LONRF1: variants seen among roughly 807,000 people sequenced by gnomAD.
LONRF1 encodes LON peptidase N-terminal domain and RING finger protein 1.
Under a neutral mutation model 85.8 loss-of-function variants are expected in LONRF1, and 37 were observed. That is an observed-to-expected ratio of 0.43 (90% CI 0.33 to 0.57). LONRF1 has a LOEUF of 0.57. Ranked by LOEUF, LONRF1 falls within the 20% of genes least tolerant of loss-of-function variation. LONRF1 has a pLI of 0.04. For synonymous variants in LONRF1, 517 were observed against 390.1 expected (o/e 1.33, Z -3.83); for missense variants, 1,036 against 978.0 (o/e 1.06, Z -0.79).
At chr8:12,727,119 C>CTT (rs368812604) in intron 10 of LONRF1, 67,746 of 133,572 alleles carry the variant, frequency 0.51, 18,360 homozygotes, top group Admixed American at 0.61. Context: ...CTTGTTAAAT[C>CTT]TTTTTTTTTT....
In LONRF1 at chr8:12,755,380, C is replaced by A; in HGVS notation, c.41G>T (p.Ser14Ile). The change falls in exon 1 of 12, where the codon AGT becomes ATT. Residue 14 changes from serine (S) to isoleucine (I), a missense_variant. Physicochemically the swap from Ser to Ile is moderately radical, Grantham distance 142 (BLOSUM62 -2). This residue lies in a region of LONRF1 where 742 missense variants were observed against 614.4 expected (regional missense o/e 1.21). Coordinates refer to ENST00000398246, the MANE Select transcript of LONRF1 (RefSeq NM_152271.5). ...CTGCGGCGCTGGGGCCATCTCCCGA[C>A]TCCCTCCTGGGGAGGTCCTCGCCAC... Reference protein sequence around the residue: ...PAVARTSPGGSREMAPAPQGR... With the variant: ...PAVARTSPGGIREMAPAPQGR... 3 of 1,200,754 alleles carry A rather than the reference C, an allele frequency of 2.5e-6. No homozygotes were observed. The highest frequency in any genetic ancestry group is 3.1e-6 in the Non-Finnish European group (3 of 966,828). The allele number at this position is 1,200,754 out of a possible 1,614,324, so 74.4% of individuals were successfully genotyped here.
chr8:12,750,218 G>C (rs976229740), intron 1 of LONRF1, among the ~76,000 whole-genome samples: 3 of 152,140 alleles, frequency 2.0e-5, no homozygotes, highest in Non-Finnish European at 4.4e-5. Flanking sequence ...TACGATAATA[G>C]AAATGAAAAT....
chr8:12,731,908 A>T, intron 7 of LONRF1, 51 bp from the exon 8 acceptor site: 1 of 1,554,662 alleles, frequency 6.4e-7, no homozygotes, highest in Non-Finnish European at 8.8e-7. Context: ...CTACAGTATA[A>T]AACAGGCAAC....
rs36196945 is a variant in LONRF1 at position 12,745,321 on chromosome 8, G to GAA, written c.722-2041_722-2040dup. Among the ~76,000 whole-genome samples the GAA allele has an allele frequency of 3.5e-3, 427 of 122,272 alleles. 5 individuals carry two copies. The South Asian group carries it at 0.044, about 13-fold the overall frequency. The allele number at this position is 122,272 out of a possible 152,430, so 80.2% of individuals were successfully genotyped here. A position where few individuals can be genotyped will look rare whatever the true frequency, so the allele number is the denominator to read the frequency against. ...ATTATTTTGAATGATTATTTTTTTG[G>GAA]AAAAAAAAAAAAAAAAAAAAAAAAC... On this transcript the variant is annotated intron_variant, in intron 1 of 11. Coordinates refer to ENST00000398246, the MANE Select transcript of LONRF1 (RefSeq NM_152271.5).
Position 12,754,874 on chromosome 8 carries a change from C to T in LONRF1, c.547G>A (p.Ala183Thr). 2.0e-6 allele frequency: 3 copies of T among 1,493,474 alleles called. No homozygotes were observed. The highest frequency in any genetic ancestry group is 2.9e-5 in the East Asian group (1 of 35,070). The allele number at this position is 1,493,474 out of a possible 1,614,324, so 92.5% of individuals were successfully genotyped here. Residue 183 changes from alanine to threonine, a missense_variant, in exon 1 of 12, where the codon GCC becomes ACC. By Grantham distance (58) the Ala-to-Thr change is moderately conservative. Around this residue, in one of 3 missense-constraint regions of LONRF1, gnomAD observed 742 missense variants for 614.4 expected, o/e 1.21. Coordinates refer to ENST00000398246, the MANE Select transcript of LONRF1 (RefSeq NM_152271.5). ...AAGTCTGAAGCGGCGATGGCGGCGG[C>T]CAGAGGCGGCGGCCGCGGGGCGGTC... ...EGTAPRPPPL[A>T]AAIAASDFRT...
chr8:12,729,595 T>A (rs1050748249), intron 8 of LONRF1, among the ~76,000 whole-genome samples: 1 of 152,190 alleles, frequency 6.6e-6, no homozygotes, highest in Non-Finnish European at 1.5e-5. Context: ...GACACCAGAT[T>A]ATCTTACAGA....
At chr8:12,746,530 C>CCA (rs1799160359) in intron 1 of LONRF1, among the ~76,000 whole-genome samples, 1 of 152,214 alleles carries the variant, frequency 6.6e-6, no homozygotes, top group Admixed American at 6.5e-5. Context: ...TTTATGATAA[C>CCA]CACTAAGAGC....
intron 3 of LONRF1, among the ~76,000 whole-genome samples, chr8:12,740,386 A>G (rs1399259983): frequency 6.6e-6 from 1 of 152,122 alleles, no homozygotes; most frequent in Non-Finnish European, 1.5e-5. Context: ...TCCTTCCCCC[A>G]TCTCCTATCT....
At chr8:12,726,034 A>T (rs574406448) in intron 10 of LONRF1, 155 bp from the exon 11 acceptor site, 1 of 669,354 alleles carries the variant, frequency 1.5e-6, no homozygotes, top group Non-Finnish European at 2.4e-6. Flanking sequence ...GCTTTAATAC[A>T]CATTTCTGTC....
In LONRF1 at chr8:12,736,636, TC is replaced by T. The variant is rs1798724335; in HGVS notation, c.1451+64del. 1.8e-5 allele frequency: 19 copies of T among 1,073,808 alleles called. 1 individual carries two copies. In the South Asian group the frequency reaches 2.7e-4, roughly 15 times the overall value. 66.5% of individuals were successfully genotyped at this position (1,073,808 alleles called of 1,614,324 possible). On this transcript the variant is annotated intron_variant, in intron 6 of 11. Coordinates refer to ENST00000398246, the MANE Select transcript of LONRF1 (RefSeq NM_152271.5). ...TTTACATTGTCTATTATTACCTTTA[TC>T]TACACGGTATTTTATGTATACTAAC...
intron 7 of LONRF1, 118 bp from the exon 8 acceptor site, chr8:12,731,975 T>C (rs919028133): frequency 2.1e-6 from 2 of 951,420 alleles, no homozygotes; most frequent in African/African-American, 3.3e-5. Context: ...AATTCTGGAT[T>C]AATTAGTGAG....
At position 12,755,253 on chromosome 8, in the gene LONRF1, C is replaced by T. The variant is rs1392543728; in HGVS notation, c.168G>A (p.Glu56=). ...TCAGGTGGCCGCCCAGCGCCAGCAG[C>T]TCCCCGCGGCGGAGCAGCAGCTCCC... ...ERWELLLRRG[E]LLALGGHLKG... The change falls in exon 1 of 12, where the codon GAG becomes GAA. Residue 56 remains glutamate, a synonymous_variant. Coordinates refer to ENST00000398246, the MANE Select transcript of LONRF1 (RefSeq NM_152271.5). 5 of 1,234,026 alleles carry T rather than the reference C, an allele frequency of 4.1e-6. No individual in the cohort carries two copies. The African/African-American group carries it at 6.3e-5, about 16-fold the overall frequency. 76.4% of individuals were successfully genotyped at this position (1,234,026 alleles called of 1,614,324 possible). A position where few individuals can be genotyped will look rare whatever the true frequency, so the allele number is the denominator to read the frequency against.
intron 1 of LONRF1, among the ~76,000 whole-genome samples, chr8:12,752,329 A>G (rs1405802248): frequency 6.6e-6 from 1 of 152,218 alleles, no homozygotes; most frequent in Non-Finnish European, 1.5e-5. Flanking sequence ...TTACACCCAT[A>G]AATTGTGAGA....
rs1420762326 is a variant in LONRF1 at position 12,755,339 on chromosome 8, A to G, written c.82T>C (p.Trp28Arg). 1.1e-5 allele frequency: 14 copies of G among 1,248,432 alleles called. No individual in the cohort carries two copies. Among genetic ancestry groups the G allele is most frequent in the Non-Finnish European group, 1.4e-5 (14 of 992,356 alleles). The allele number at this position is 1,248,432 out of a possible 1,614,324, so 77.3% of individuals were successfully genotyped here. ...APAPQGRGRF[W>R]EVGGGSGHRL... ...TGGCCGCTGCCGCCGCCCACTTCCC[A>G]GAACCGGCCTCGGCCCTGCGGCGCT... Residue 28 changes from tryptophan (W) to arginine (R), a missense_variant, in exon 1 of 12, where the codon TGG becomes CGG. Coordinates refer to ENST00000398246, the MANE Select transcript of LONRF1 (RefSeq NM_152271.5).
At chr8:12,725,422 T>C (rs1315197676) in intron 11 of LONRF1, among the ~76,000 whole-genome samples, 1 of 152,184 alleles carries the variant, frequency 6.6e-6, no homozygotes, top group Non-Finnish European at 1.5e-5. Flanking sequence ...TTCTAGATAG[T>C]AACATCCCGT....
At chr8:12,735,802 T>C (rs1798695434) in intron 6 of LONRF1, among the ~76,000 whole-genome samples, 1 of 152,220 alleles carries the variant, frequency 6.6e-6, no homozygotes. Context: ...TTAGCTTTTG[T>C]ATAGCCTTTA....
In LONRF1 at chr8:12,746,396, C is replaced by T. The variant is rs373991073; in HGVS notation, c.722-3114G>A. Reference sequence around the variant, plus strand: ...CCCATGTACACCATTCTATTTCATGCCTCATTCCTGTGCTGAGCTCCTCCC... The same window carrying T: ...CCCATGTACACCATTCTATTTCATGTCTCATTCCTGTGCTGAGCTCCTCCC... On this transcript the variant is annotated intron_variant, in intron 1 of 11. Transcript: ENST00000398246. Among the ~76,000 whole-genome samples the T allele has an allele frequency of 4.6e-5, 7 of 152,148 alleles. No individual in the cohort carries two copies. The East Asian group carries it at 5.8e-4, about 13-fold the overall frequency.
At chr8:12,746,585 A>G (rs1302365492) in intron 1 of LONRF1, among the ~76,000 whole-genome samples, 1 of 152,242 alleles carries the variant, frequency 6.6e-6, no homozygotes, top group African/African-American at 2.4e-5. Context: ...GGGGTAAATT[A>G]CAAGTAATCT....
Position 12,743,203 on chromosome 8 carries a change from A to C in LONRF1, c.801T>G (p.Asp267Glu). Reference protein sequence around the residue: ...GLQEFKAAIEDLNAVLFQLPD... With the variant: ...GLQEFKAAIEELNAVLFQLPD... ...GAAGTTGAAAAAGAACTGCATTTAAATCTTCTATGGCTGCTTTAAACTCTT... is the reference window on the plus strand; with the variant it reads ...GAAGTTGAAAAAGAACTGCATTTAACTCTTCTATGGCTGCTTTAAACTCTT... The change falls in exon 2 of 12, where the codon GAT becomes GAG. Residue 267 changes from aspartate to glutamate, a missense_variant. Physicochemically the swap from Asp to Glu is conservative, Grantham distance 45. This residue lies in a region of LONRF1 where 742 missense variants were observed against 614.4 expected (regional missense o/e 1.21). Transcript: ENST00000398246. 6.2e-7 allele frequency: 1 copy of C among 1,613,184 alleles called. No individual in the cohort carries two copies. Among genetic ancestry groups the C allele is most frequent in the Admixed American group, 1.7e-5 (1 of 59,932 alleles).
Sources: gnomAD v4.1 joint callset for allele counts (sites outside exome capture counted in the v4.1 genomes callset) on GRCh38, gnomAD v4.1.1 for gene constraint, gnomAD v4.1.1 regional missense constraint, MANE v1.5 for transcripts, NCBI Gene and HGNC (gene_info 2026-07-23, HGNC 2026-07-21) for gene names.